TEX22: variants seen among roughly 807,000 people sequenced by gnomAD.
TEX22 encodes the protein testis expressed 22.
A neutral mutation model predicts 11.3 loss-of-function variants in TEX22; 16 were observed. The ratio of observed to expected loss-of-function variants is 1.42; its 90% CI spans 0.96 to 2.15. TEX22 has a LOEUF of 2.15. Ranked by LOEUF, TEX22 falls within the 30% of genes most tolerant of loss-of-function variation. The pLI is 0.00. For synonymous variants in TEX22, 97 were observed against 92.3 expected (o/e 1.05, Z -0.29); for missense variants, 220 against 208.6 (o/e 1.05, Z -0.34).
At position 105,413,525 on chromosome 14, in the gene TEX22, T is replaced by G. The variant is rs1215997996; in HGVS notation, c.*1692T>G. On this transcript the variant is annotated 3_prime_UTR_variant, in exon 4 of 4. Transcript: ENST00000451127. The surrounding 1 kb of genome is among the most constrained non-coding windows in gnomAD (Gnocchi z 4.2). ...CTCCTGCTCTCGTTTGAGTGTCTCCTGAGGCTGCAGTCAGAGCGTGGTGGT... is the reference window on the plus strand; with the variant it reads ...CTCCTGCTCTCGTTTGAGTGTCTCCGGAGGCTGCAGTCAGAGCGTGGTGGT... 1 of 152,328 alleles carries G rather than the reference T, an allele frequency of 6.6e-6. No homozygotes were observed. Among genetic ancestry groups the G allele is most frequent in the Non-Finnish European group, 1.5e-5 (1 of 68,126 alleles). 9.4% of individuals were successfully genotyped at this position (152,328 alleles called of 1,614,324 possible). A position where few individuals can be genotyped will look rare whatever the true frequency, so the allele number is the denominator to read the frequency against.
In TEX22 at chr14:105,412,081, C is replaced by G; in HGVS notation, c.*248C>G. The G allele has an allele frequency of 2.7e-6, 1 of 371,114 alleles. No individual in the cohort carries two copies. The highest frequency in any genetic ancestry group is 4.8e-6 in the Non-Finnish European group (1 of 207,900). 23.0% of individuals were successfully genotyped at this position (371,114 alleles called of 1,614,324 possible). ...CCGGGTCAGTCTGAGAGGGCCCTGG[C>G]AAGGCCTGGGTAGCAGGAGCTTGCC... is the stretch of plus-strand genomic sequence containing the variant. On this transcript the variant is annotated 3_prime_UTR_variant, in exon 4 of 4. Coordinates refer to ENST00000451127, the MANE Select transcript of TEX22 (RefSeq NM_001195082.2). This position sits in a 1 kb window ranked among gnomAD's most constrained non-coding sequence, Gnocchi z 5.8.
chr14:105,411,700 T>A lies in TEX22; in HGVS notation c.320T>A (p.Val107Glu). ...QMVAQLVSED[V>E]DKDVLLPHPL... Reference sequence around the variant, plus strand: ...GTAGCCCAGCTGGTGTCGGAGGACGTGGACAAGGACGTGCTCCTTCCCCAC... The same window carrying A: ...GTAGCCCAGCTGGTGTCGGAGGACGAGGACAAGGACGTGCTCCTTCCCCAC... The change falls in exon 4 of 4, where the codon GTG becomes GAG. Residue 107 changes from valine (V) to glutamate (E), a missense_variant. Transcript: ENST00000451127. 6.5e-7 allele frequency: 1 copy of A among 1,531,816 alleles called. No individual in the cohort carries two copies. Among genetic ancestry groups the A allele is most frequent in the Non-Finnish European group, 8.7e-7 (1 of 1,144,720 alleles). The allele number at this position is 1,531,816 out of a possible 1,614,324, so 94.9% of individuals were successfully genotyped here.
intron 2 of TEX22, among the ~76,000 whole-genome samples, chr14:105,400,580 C>T (rs1384091690): frequency 1.3e-5 from 2 of 152,002 alleles, no homozygotes; most frequent in African/African-American, 4.8e-5. Context: ...GTGTATTGGA[C>T]CCATATCCAG....
intron 2 of TEX22, among the ~76,000 whole-genome samples, chr14:105,400,308 A>G (rs1406970584): frequency 6.6e-6 from 1 of 152,186 alleles, no homozygotes; most frequent in African/African-American, 2.4e-5. Context: ...CCTCTCAGTC[A>G]TGTCCTTCAG....
chr14:105,404,970 T>A (rs2081651128), intron 2 of TEX22, among the ~76,000 whole-genome samples: 1 of 152,144 alleles, frequency 6.6e-6, no homozygotes, highest in Admixed American at 6.5e-5. Flanking sequence ...GTCAAGATGG[T>A]GCCTGTGAGT....
At chr14:105,402,755 C>CAAA (rs1195065703) in intron 2 of TEX22, among the ~76,000 whole-genome samples, 11 of 68,392 alleles carry the variant, frequency 1.6e-4, no homozygotes, top group South Asian at 5.1e-4. Context: ...GACTCCGTCT[C>CAAA]AAAAAAAAAA....
chr14:105,403,815 A>G (rs2081644959), intron 2 of TEX22, among the ~76,000 whole-genome samples: 1 of 152,238 alleles, frequency 6.6e-6, no homozygotes, highest in Non-Finnish European at 1.5e-5. Flanking sequence ...TTCATTTTAA[A>G]TGTACATAGT....
intron 2 of TEX22, among the ~76,000 whole-genome samples, chr14:105,406,542 T>C (rs587655985): frequency 6.6e-6 from 1 of 152,162 alleles, no homozygotes; most frequent in East Asian, 1.9e-4. Context: ...TGAAACCCTA[T>C]CTCTGCAAAA....
chr14:105,411,940 C>T lies in TEX22; in HGVS notation c.*107C>T. 1 of 1,164,456 alleles carries T rather than the reference C, an allele frequency of 8.6e-7. No homozygotes were observed. The highest frequency in any genetic ancestry group is 1.1e-6 in the Non-Finnish European group (1 of 873,876). 72.1% of individuals were successfully genotyped at this position (1,164,456 alleles called of 1,614,324 possible). On this transcript the variant is annotated 3_prime_UTR_variant, in exon 4 of 4. Coordinates refer to ENST00000451127, the MANE Select transcript of TEX22 (RefSeq NM_001195082.2). ...TGCCCCACCAGGGGGTCACCACCCA[C>T]CCATGTTAGGAAAACAGGCCAGGCA...
intron 2 of TEX22, among the ~76,000 whole-genome samples, chr14:105,406,171 A>C (rs1203773610): frequency 1.3e-5 from 2 of 152,222 alleles, no homozygotes; most frequent in African/African-American, 4.8e-5. Context: ...GAGAGAGTAT[A>C]TGAGAGAATA....
intron 2 of TEX22, among the ~76,000 whole-genome samples, chr14:105,400,732 G>A (rs1365926440): frequency 1.3e-5 from 2 of 152,210 alleles, no homozygotes; most frequent in African/African-American, 4.8e-5. Flanking sequence ...GCCTCCAAGG[G>A]CAGGCGAGCA....
At chr14:105,405,570 C>T (rs962584869) in intron 2 of TEX22, among the ~76,000 whole-genome samples, 1 of 152,184 alleles carries the variant, frequency 6.6e-6, no homozygotes, top group Non-Finnish European at 1.5e-5. Flanking sequence ...CACCAAACGG[C>T]CGTGCATCAG....
chr14:105,408,913 G>C (rs1366631566), intron 2 of TEX22, among the ~76,000 whole-genome samples: 1 of 152,004 alleles, frequency 6.6e-6, no homozygotes, highest in Non-Finnish European at 1.5e-5. Flanking sequence ...CCTTTGTGCT[G>C]TTTTCCCTGG....
chr14:105,410,983 C>G (rs1333517102), intron 2 of TEX22, among the ~76,000 whole-genome samples: 1 of 152,188 alleles, frequency 6.6e-6, no homozygotes, highest in South Asian at 2.1e-4. Flanking sequence ...TCAGAGGGGT[C>G]TGGGGAGAAG....
Position 105,411,687 on chromosome 14 carries a change from G to C in TEX22, c.307G>C (p.Val103Leu). 6.5e-7 allele frequency: 1 copy of C among 1,531,662 alleles called. No individual in the cohort carries two copies. The highest frequency in any genetic ancestry group is 8.7e-7 in the Non-Finnish European group (1 of 1,144,664). The allele number at this position is 1,531,662 out of a possible 1,614,324, so 94.9% of individuals were successfully genotyped here. A position where few individuals can be genotyped will look rare whatever the true frequency, so the allele number is the denominator to read the frequency against. Residue 103 changes from valine to leucine, a missense_variant, in exon 4 of 4, where the codon GTG (valine) becomes CTG (leucine). Val to Leu is a conservative substitution (Grantham distance 32). Coordinates refer to ENST00000451127, the MANE Select transcript of TEX22 (RefSeq NM_001195082.2). ...RDVVQMVAQLVSEDVDKDVLL... is the reference protein window; with the variant it reads ...RDVVQMVAQLLSEDVDKDVLL... ...CGTCGTGCAGATGGTAGCCCAGCTG[G>C]TGTCGGAGGACGTGGACAAGGACGT...
chr14:105,405,646 G>T (rs587730661), intron 2 of TEX22, among the ~76,000 whole-genome samples: 1 of 152,208 alleles, frequency 6.6e-6, no homozygotes, highest in East Asian at 1.9e-4. Context: ...TTGTGTGGAC[G>T]CCTGTTGCGT....
chr14:105,404,642 C>T (rs1555418744), intron 2 of TEX22, among the ~76,000 whole-genome samples: 3 of 152,184 alleles, frequency 2.0e-5, no homozygotes, highest in African/African-American at 7.2e-5. Flanking sequence ...GAGCTCGTCA[C>T]AGTAGAGCAG....
Position 105,399,484 on chromosome 14 carries a change from G to A in TEX22, c.144G>A (p.Gln48=), listed in dbSNP as rs782635173. ...QSSVQQGLQT[Q]DWVCEPPERR... ...GCGTTCAGCAGGGACTGCAGACTCAGGACTGGGTAAGCGGAAGGAAACCCT... is the reference window on the plus strand; with the variant it reads ...GCGTTCAGCAGGGACTGCAGACTCAAGACTGGGTAAGCGGAAGGAAACCCT... The change falls in exon 2 of 4, where the codon CAG becomes CAA. Residue 48 remains glutamine (Q), a synonymous_variant. Coordinates refer to ENST00000451127, the MANE Select transcript of TEX22 (RefSeq NM_001195082.2). 1 of 1,532,830 alleles carries A rather than the reference G, an allele frequency of 6.5e-7. No homozygotes were observed. The allele number at this position is 1,532,830 out of a possible 1,614,324, so 95.0% of individuals were successfully genotyped here.
At chr14:105,409,158 C>T (rs977358001) in intron 2 of TEX22, among the ~76,000 whole-genome samples, 12 of 151,776 alleles carry the variant, frequency 7.9e-5, no homozygotes, top group African/African-American at 2.4e-4. Flanking sequence ...CACTGAGTAG[C>T]CTTCCCCACT....
Sources: allele counts gnomAD v4.1 joint callset (sites outside exome capture counted in the v4.1 genomes callset), GRCh38; gene constraint gnomAD v4.1.1; non-coding constraint Gnocchi (gnomAD v3.1); transcripts MANE v1.5; gene names NCBI Gene and HGNC (gene_info 2026-07-23, HGNC 2026-07-21).